Variants in TRIO observed in about 807,000 individuals in gnomAD.
TRIO encodes trio Rho guanine nucleotide exchange factor.
In TRIO, 58 loss-of-function variants were observed where a neutral mutation model predicts 351.9. That is an observed-to-expected ratio of 0.16 (90% CI 0.13 to 0.21). The LOEUF is 0.21. Ranked by LOEUF, TRIO falls within the 10% of genes least tolerant of loss-of-function variation. The pLI, the probability that TRIO is intolerant of heterozygous loss-of-function variation, is 1.00. For missense variants in TRIO, 3,201 were observed against 4,027.8 expected (o/e 0.79, Z 5.56); for synonymous variants, 1,758 against 1,595.7 (o/e 1.10, Z -2.42).
At position 14,508,521 on chromosome 5, in the gene TRIO, G is replaced by A; in HGVS notation, c.*99G>A. The A allele has an allele frequency of 2.1e-6, 3 of 1,422,568 alleles. No homozygotes were observed. The highest frequency in any genetic ancestry group is 4.5e-5 in the Admixed American group (2 of 44,272). 88.1% of individuals were successfully genotyped at this position (1,422,568 alleles called of 1,614,324 possible). ...AGCAAACATAACTGATCAGCTGCCG[G>A]TATGTTCATCGTGTGAAATTGCATT... is the stretch of plus-strand genomic sequence containing the variant. On this transcript the variant is annotated 3_prime_UTR_variant, in exon 57 of 57. Coordinates refer to ENST00000344204, the MANE Select transcript of TRIO (RefSeq NM_007118.4).
chr5:14,252,365 A>G (rs983387541), intron 1 of TRIO, among the ~76,000 whole-genome samples: 1 of 151,954 alleles, frequency 6.6e-6, no homozygotes, highest in African/African-American at 2.4e-5. Flanking sequence ...CTTCTTGGTG[A>G]TTTTCAGGGT....
At chr5:14,456,709 A>G (rs1477561084) in intron 34 of TRIO, among the ~76,000 whole-genome samples, 1 of 152,184 alleles carries the variant, frequency 6.6e-6, no homozygotes, top group South Asian at 2.1e-4. Context: ...CTCTGTGTTT[A>G]TGGTGTGATA....
intron 34 of TRIO, among the ~76,000 whole-genome samples, chr5:14,453,617 G>T (rs57442946): frequency 0.051 from 7,823 of 152,248 alleles, 637 homozygotes; most frequent in African/African-American, 0.18. Context: ...GTGAGATGTG[G>T]AAACTCACAT....
chr5:14,250,635 C>G (rs1260786863), intron 1 of TRIO, among the ~76,000 whole-genome samples: 1 of 152,150 alleles, frequency 6.6e-6, no homozygotes, highest in East Asian at 1.9e-4. Context: ...TCTGAGAGCA[C>G]CCGAGCCTGT....
intron 34 of TRIO, among the ~76,000 whole-genome samples, chr5:14,443,139 A>G (rs570795546): frequency 6.6e-6 from 1 of 152,070 alleles, no homozygotes; most frequent in Non-Finnish European, 1.5e-5. Context: ...GTTTCTCTCT[A>G]TATATTTTTG....
rs1756995977 is a variant in TRIO, at chr5:14,497,741, G to C, written c.8020-106G>C. On this transcript the variant is annotated intron_variant, in intron 50 of 56. Coordinates refer to ENST00000344204, the MANE Select transcript of TRIO (RefSeq NM_007118.4). The surrounding 1 kb of genome is among the most constrained non-coding windows in gnomAD (Gnocchi z 4.4). ...TCTGTTTTGATTGATGCCCAGGCAA[G>C]TCAGTTTCTGCAAATCTTTCAACAA... 2 of 1,452,224 alleles carry C rather than the reference G, an allele frequency of 1.4e-6. No individual in the cohort carries two copies. The highest frequency in any genetic ancestry group is 1.9e-6 in the Non-Finnish European group (2 of 1,035,280). 90.0% of individuals were successfully genotyped at this position (1,452,224 alleles called of 1,614,324 possible).
At chr5:14,303,986 T>C (rs993068188) in intron 7 of TRIO, among the ~76,000 whole-genome samples, 1 of 152,082 alleles carries the variant, frequency 6.6e-6, no homozygotes, top group Non-Finnish European at 1.5e-5. Flanking sequence ...TTTCATTACA[T>C]CTCAATGAAA....
chr5:14,350,241 A>G (rs375264309), intron 11 of TRIO, among the ~76,000 whole-genome samples: 41 of 152,304 alleles, frequency 2.7e-4, no homozygotes, highest in African/African-American at 9.4e-4. Context: ...AAGACTTGCC[A>G]CGGCAAAGAG....
At chr5:14,325,732 C>T (rs555379319) in intron 9 of TRIO, among the ~76,000 whole-genome samples, 1 of 152,264 alleles carries the variant, frequency 6.6e-6, no homozygotes, top group East Asian at 1.9e-4. Context: ...TCCGTAAATA[C>T]TCTACAAGAC....
At chr5:14,343,929 C>T (rs1053598895) in intron 11 of TRIO, among the ~76,000 whole-genome samples, 1 of 152,126 alleles carries the variant, frequency 6.6e-6, no homozygotes, top group African/African-American at 2.4e-5. Flanking sequence ...CTTACAAGTC[C>T]AGGATTGCTT....
intron 9 of TRIO, among the ~76,000 whole-genome samples, chr5:14,319,291 T>G (rs1218606947): frequency 6.6e-6 from 1 of 152,244 alleles, no homozygotes; most frequent in Non-Finnish European, 1.5e-5. Context: ...TGGTCTGGAC[T>G]TGTTGTGTGA....
chr5:14,224,686 A>G (rs1310905163), intron 1 of TRIO, among the ~76,000 whole-genome samples: 3 of 152,186 alleles, frequency 2.0e-5, no homozygotes, highest in Non-Finnish European at 4.4e-5. Flanking sequence ...AGTGGCTAAA[A>G]TATAGTTCAG....
At chr5:14,426,853 C>T (rs1446085143) in intron 34 of TRIO, among the ~76,000 whole-genome samples, 1 of 152,012 alleles carries the variant, frequency 6.6e-6, no homozygotes, top group African/African-American at 2.4e-5. Context: ...ATCTTGTTGT[C>T]GAGTTCTGGG....
chr5:14,378,686 A>C (rs1745792027), intron 20 of TRIO, among the ~76,000 whole-genome samples: 1 of 151,818 alleles, frequency 6.6e-6, no homozygotes, highest in Non-Finnish European at 1.5e-5. Flanking sequence ...CAGCCTCCCA[A>C]GTAGCTGTGA....
chr5:14,374,369 G>A (rs1463157878), intron 19 of TRIO, 26 bp downstream of exon 19: 3 of 1,592,208 alleles, frequency 1.9e-6, no homozygotes, highest in South Asian at 2.2e-5. Context: ...AGTCTCCAGG[G>A]GTGGCCCAGT....
At chr5:14,259,745 G>A (rs1795233566) in intron 1 of TRIO, among the ~76,000 whole-genome samples, 1 of 151,912 alleles carries the variant, frequency 6.6e-6, no homozygotes, top group Admixed American at 6.5e-5. Context: ...TAGATTGCAT[G>A]CTGAATTCAG....
At chr5:14,274,633 T>A (rs1368121930) in intron 2 of TRIO, among the ~76,000 whole-genome samples, 1 of 152,188 alleles carries the variant, frequency 6.6e-6, no homozygotes, top group Non-Finnish European at 1.5e-5. Flanking sequence ...GAGAAAGAGT[T>A]CATACAGGAG....
At chr5:14,144,235 C>G (rs1007069848) in intron 1 of TRIO, among the ~76,000 whole-genome samples, 1 of 152,024 alleles carries the variant, frequency 6.6e-6, no homozygotes, top group Admixed American at 6.5e-5. Context: ...GCTGGAGGAC[C>G]GAGGAGGCGG....
intron 1 of TRIO, among the ~76,000 whole-genome samples, chr5:14,147,986 A>G (rs1787614175): frequency 6.6e-6 from 1 of 152,246 alleles, no homozygotes; most frequent in African/African-American, 2.4e-5. Context: ...AAGCAAGGAG[A>G]TTTCTAAAAT....
Sources: gnomAD v4.1 joint callset for allele counts (sites outside exome capture counted in the v4.1 genomes callset) on GRCh38, gnomAD v4.1.1 for gene constraint, Gnocchi (gnomAD v3.1) non-coding constraint, MANE v1.5 for transcripts, NCBI Gene and HGNC (gene_info 2026-07-23, HGNC 2026-07-21) for gene names.